The following NRXN3 variants were observed in gnomAD, a reference collection of about 807,000 sequenced individuals.
NRXN3 encodes neurexin III.
Under a neutral mutation model 137.6 loss-of-function variants are expected in NRXN3, and 32 were observed. The ratio of observed to expected loss-of-function variants is 0.23; its 90% confidence interval spans 0.18 to 0.31. NRXN3 has a LOEUF of 0.31. Among genes scored for constraint, NRXN3 ranks in the 10% least tolerant of loss-of-function variants. The pLI, the probability that NRXN3 is intolerant of heterozygous loss-of-function variation, is 1.00. For missense variants in NRXN3, 1,574 were observed against 2,062.5 expected (o/e 0.76, Z 4.59); for synonymous variants, 798 against 784.5 (o/e 1.02, Z -0.29).
intron 4 of NRXN3, chr14:78,403,915 T>C (rs2092298275): frequency 5.1e-6 from 5 of 980,254 alleles, no homozygotes; most frequent in Non-Finnish European, 4.8e-6. Flanking sequence ...AGAAAAGATA[T>C]GTGAGCTGCG....
At chr14:78,497,144 C>G (rs1340265320) in intron 4 of NRXN3, among the ~76,000 whole-genome samples, 1 of 152,054 alleles carries the variant, frequency 6.6e-6, no homozygotes. Context: ...ACTGTTTCTT[C>G]CAAGCTTCCT....
At chr14:78,226,405 T>G (rs1028908247) in intron 1 of NRXN3, among the ~76,000 whole-genome samples, 1 of 152,188 alleles carries the variant, frequency 6.6e-6, no homozygotes, top group Non-Finnish European at 1.5e-5. Flanking sequence ...CTTGTCACCT[T>G]CACCTTTCTG....
intron 15 of NRXN3, among the ~76,000 whole-genome samples, chr14:79,084,743 A>G (rs566749480): frequency 6.6e-6 from 1 of 152,170 alleles, no homozygotes; most frequent in South Asian, 2.1e-4. Flanking sequence ...CATCAATCGT[A>G]TTGATTTTTT....
chr14:78,414,921 C>G (rs1399392976), intron 4 of NRXN3, among the ~76,000 whole-genome samples: 1 of 152,138 alleles, frequency 6.6e-6, no homozygotes, highest in Non-Finnish European at 1.5e-5. Flanking sequence ...GCAAGGGAGG[C>G]TCACATGCTG....
intron 20 of NRXN3, among the ~76,000 whole-genome samples, chr14:79,827,292 A>G (rs2044630653): frequency 6.6e-6 from 1 of 152,102 alleles, no homozygotes; most frequent in Non-Finnish European, 1.5e-5. Context: ...ACCTTCTCTG[A>G]AAAAAATGAT....
intron 16 of NRXN3, among the ~76,000 whole-genome samples, chr14:79,563,154 T>C (rs540174796): frequency 2.4e-4 from 36 of 152,296 alleles, no homozygotes; most frequent in African/African-American, 8.7e-4. Flanking sequence ...TGAAAGTAGA[T>C]GAAAGACTTT....
At chr14:78,624,052 G>A (rs78435614) in intron 4 of NRXN3, among the ~76,000 whole-genome samples, 2,900 of 152,238 alleles carry the variant, frequency 0.019, 102 homozygotes, top group East Asian at 0.18. Flanking sequence ...CTTGATTAGC[G>A]TGCCCTTTCA....
chr14:78,809,106 C>A (rs2098894920), intron 9 of NRXN3, among the ~76,000 whole-genome samples: 1 of 151,958 alleles, frequency 6.6e-6, no homozygotes, highest in Non-Finnish European at 1.5e-5. Flanking sequence ...CTGCCCAGTC[C>A]CCTACTATGC....
intron 4 of NRXN3, among the ~76,000 whole-genome samples, chr14:78,404,099 T>C (rs547417569): frequency 6.6e-6 from 1 of 152,124 alleles, no homozygotes; most frequent in South Asian, 2.1e-4. Flanking sequence ...GGCATTTTTC[T>C]CCTAATAAAT....
intron 15 of NRXN3, among the ~76,000 whole-genome samples, chr14:79,207,234 A>G (rs1306046002): frequency 6.6e-6 from 1 of 152,182 alleles, no homozygotes; most frequent in African/African-American, 2.4e-5. Context: ...GGGATTTTTT[A>G]ATAAACGCAA....
intron 4 of NRXN3, among the ~76,000 whole-genome samples, chr14:78,623,742 A>G (rs2097427953): frequency 6.6e-6 from 1 of 151,972 alleles, no homozygotes; most frequent in South Asian, 2.1e-4. Context: ...TAATTTTTGT[A>G]TGTTTAGTAG....
chr14:78,512,775 T>C (rs1389542985), intron 4 of NRXN3, among the ~76,000 whole-genome samples: 1 of 152,042 alleles, frequency 6.6e-6, no homozygotes, highest in Non-Finnish European at 1.5e-5. Context: ...CCCTAAGAGA[T>C]AAAAAAGGAA....
intron 10 of NRXN3, among the ~76,000 whole-genome samples, chr14:78,920,767 G>A (rs2099268847): frequency 6.6e-6 from 1 of 152,054 alleles, no homozygotes; most frequent in Non-Finnish European, 1.5e-5. Flanking sequence ...TTCTTTATTT[G>A]CAATTATTGG....
intron 4 of NRXN3, among the ~76,000 whole-genome samples, chr14:78,310,306 A>C (rs1391513214): frequency 6.9e-6 from 1 of 144,088 alleles, no homozygotes; most frequent in Non-Finnish European, 1.5e-5. Context: ...ATGTAGGTGA[A>C]GGAATTGCTT....
At chr14:79,079,468 A>C (rs566073125) in intron 15 of NRXN3, among the ~76,000 whole-genome samples, 2 of 152,204 alleles carry the variant, frequency 1.3e-5, no homozygotes, top group South Asian at 2.1e-4. Context: ...TTACCTTACT[A>C]TATTAGGTTA....
intron 8 of NRXN3, among the ~76,000 whole-genome samples, chr14:78,763,451 A>AG (rs1387382959): frequency 1.3e-5 from 2 of 151,914 alleles, no homozygotes; most frequent in Non-Finnish European, 2.9e-5. Flanking sequence ...GTAGATTCTC[A>AG]GAAAAATAAA....
intron 7 of NRXN3, among the ~76,000 whole-genome samples, chr14:78,712,172 G>A (rs1167507056): frequency 6.6e-6 from 1 of 152,178 alleles, no homozygotes; most frequent in Non-Finnish European, 1.5e-5. Context: ...GGCAATAGAT[G>A]TCTCCCCATT....
rs751796019 is a variant in NRXN3 at position 79,358,607 on chromosome 14, GAGAAAGAAAGAAAGAAAGAAAGAA to G, written c.3263-108575_3263-108552del. Among the ~76,000 whole-genome samples the G allele has an allele frequency of 3.3e-3, 265 of 79,982 alleles. 1 individual carries two copies. Among genetic ancestry groups the G allele is most frequent in the African/African-American group, 0.01 (241 of 24,018 alleles). The allele number at this position is 79,982 out of a possible 152,430, so 52.5% of individuals were successfully genotyped here. ...AGAGAGAAAGAAAGAAAGAAAGAAA[GAGAAAGAAAGAAAGAAAGAAAGAA>G]AGAAAGAAAGAAAGAAAGAAAGAAA... is the stretch of plus-strand genomic sequence containing the variant. On this transcript the variant is annotated intron_variant, in intron 15 of 20. Transcript: ENST00000335750.
intron 15 of NRXN3, among the ~76,000 whole-genome samples, chr14:79,016,035 C>T (rs1036604085): frequency 6.6e-6 from 1 of 152,094 alleles, no homozygotes; most frequent in South Asian, 2.1e-4. Flanking sequence ...CTTTCCAAAG[C>T]AAGTGTCTTT....
Sources: gnomAD v4.1 joint callset for allele counts (sites outside exome capture counted in the v4.1 genomes callset) on GRCh38, gnomAD v4.1.1 for gene constraint, MANE v1.5 for transcripts, NCBI Gene and HGNC (gene_info 2026-07-23, HGNC 2026-07-21) for gene names.